Variants in FGF12 observed in about 807,000 individuals in gnomAD.
FGF12 encodes the protein fibroblast growth factor 12B.
A neutral mutation model predicts 23.6 loss-of-function variants in FGF12; 14 were observed. The ratio of observed to expected loss-of-function variants is 0.59; its 90% CI spans 0.39 to 0.93. The LOEUF (loss-of-function observed/expected upper bound fraction) is 0.93. Ranked by LOEUF, FGF12 falls within the 40% of genes least tolerant of loss-of-function variation. The pLI, the probability that FGF12 is intolerant of heterozygous loss-of-function variation, is 0.00. For missense variants in FGF12, 175 were observed against 217.8 expected (o/e 0.80, Z 1.24); for synonymous variants, 62 against 77.3 (o/e 0.80, Z 1.04).
At chr3:192,576,358 G>A (rs572023080) in intron 2 of FGF12, among the ~76,000 whole-genome samples, 1 of 152,306 alleles carries the variant, frequency 6.6e-6, no homozygotes, top group African/African-American at 2.4e-5. Context: ...AGGTAAGTCA[G>A]ATAAAGTAAC....
At chr3:192,510,763 T>A (rs1724445646) in intron 2 of FGF12, among the ~76,000 whole-genome samples, 1 of 152,170 alleles carries the variant, frequency 6.6e-6, no homozygotes, top group African/African-American at 2.4e-5. Context: ...TTGTGGTACA[T>A]CCACGCAATG....
chr3:192,675,800 T>G (rs1176879022), intron 2 of FGF12, among the ~76,000 whole-genome samples: 1 of 152,222 alleles, frequency 6.6e-6, no homozygotes, highest in Non-Finnish European at 1.5e-5. Context: ...TTCCCTGATG[T>G]GCTTCACGAG....
intron 2 of FGF12, among the ~76,000 whole-genome samples, chr3:192,656,460 A>G (rs926150329): frequency 3.3e-5 from 5 of 152,184 alleles, no homozygotes; most frequent in Non-Finnish European, 5.9e-5. Context: ...TTGTTTCTCT[A>G]GTGCAGTGGT....
chr3:192,639,686 A>G (rs1034057265), intron 2 of FGF12, among the ~76,000 whole-genome samples: 10 of 152,234 alleles, frequency 6.6e-5, no homozygotes, highest in South Asian at 2.1e-4. Flanking sequence ...CTGAACATGT[A>G]CAGGCTTTTT....
chr3:192,588,349 CAAAAAAAA>C (rs1201739223), intron 2 of FGF12, among the ~76,000 whole-genome samples: 1 of 66,984 alleles, frequency 1.5e-5, no homozygotes, highest in African/African-American at 5.7e-5. Flanking sequence ...CAATCCGTCT[CAAAAAAAA>C]AAAAAAAAAA....
intron 3 of FGF12, among the ~76,000 whole-genome samples, chr3:192,338,030 A>G (rs1449858707): frequency 6.6e-6 from 1 of 152,198 alleles, no homozygotes; most frequent in African/African-American, 2.4e-5. Context: ...TAGAAGTACA[A>G]AAAGATTTAG....
chr3:192,596,047 T>C (rs1713827822), intron 2 of FGF12, among the ~76,000 whole-genome samples: 1 of 143,574 alleles, frequency 7.0e-6, no homozygotes, highest in South Asian at 2.1e-4. Flanking sequence ...TAGCCGATAT[T>C]GTACCACTGT....
At chr3:192,210,024 G>A (rs1186817572) in intron 4 of FGF12, among the ~76,000 whole-genome samples, 2 of 152,202 alleles carry the variant, frequency 1.3e-5, no homozygotes, top group African/African-American at 4.8e-5. Context: ...TGCAGTAACA[G>A]TGACTAGATT....
chr3:192,570,232 G>C (rs111911072), intron 2 of FGF12, among the ~76,000 whole-genome samples: 14 of 152,276 alleles, frequency 9.2e-5, no homozygotes, highest in South Asian at 2.1e-4. Flanking sequence ...TTTTCCATGG[G>C]GGGGAGGGCC....
intron 2 of FGF12, among the ~76,000 whole-genome samples, chr3:192,636,446 A>G (rs1227862348): frequency 2.0e-5 from 3 of 152,216 alleles, no homozygotes; most frequent in African/African-American, 7.2e-5. Flanking sequence ...AACAACCACT[A>G]TAAACTACCA....
At chr3:192,640,436 T>G (rs996669406) in intron 2 of FGF12, among the ~76,000 whole-genome samples, 1 of 152,168 alleles carries the variant, frequency 6.6e-6, no homozygotes, top group African/African-American at 2.4e-5. Flanking sequence ...ACAGGCTAAT[T>G]TTATATATCA....
chr3:192,463,902 A>G (rs369194227), intron 2 of FGF12, among the ~76,000 whole-genome samples: 7 of 152,070 alleles, frequency 4.6e-5, no homozygotes, highest in African/African-American at 1.7e-4. Context: ...CGTCCATACT[A>G]TGACTCCTGC....
At chr3:192,371,546 T>C (rs562033458) in intron 2 of FGF12, among the ~76,000 whole-genome samples, 23 of 152,392 alleles carry the variant, frequency 1.5e-4, no homozygotes, top group African/African-American at 5.5e-4. Flanking sequence ...CACGCTTATA[T>C]GGTAGATTTA....
chr3:192,545,216 C>T (rs570177686), intron 2 of FGF12, among the ~76,000 whole-genome samples: 17 of 152,314 alleles, frequency 1.1e-4, no homozygotes, highest in African/African-American at 3.8e-4. Flanking sequence ...CAACCGAACA[C>T]TTGCACTCTG....
intron 2 of FGF12, among the ~76,000 whole-genome samples, chr3:192,578,402 C>T (rs1043788785): frequency 6.6e-6 from 1 of 152,180 alleles, no homozygotes; most frequent in African/African-American, 2.4e-5. Context: ...GATTTAAACC[C>T]AAGTCTTGTG....
At chr3:192,480,675 A>G (rs939502276) in intron 2 of FGF12, among the ~76,000 whole-genome samples, 2 of 152,194 alleles carry the variant, frequency 1.3e-5, no homozygotes, top group Non-Finnish European at 2.9e-5. Context: ...AACTCTCCCT[A>G]CACTGAAGCA....
chr3:192,517,887 G>A (rs1272878291), intron 2 of FGF12, among the ~76,000 whole-genome samples: 3 of 152,084 alleles, frequency 2.0e-5, no homozygotes, highest in African/African-American at 4.8e-5. Flanking sequence ...TAGGCACACA[G>A]AGTACAGTCT....
chr3:192,431,501 C>A (rs974091397), intron 2 of FGF12, among the ~76,000 whole-genome samples: 1 of 152,020 alleles, frequency 6.6e-6, no homozygotes, highest in Non-Finnish European at 1.5e-5. Flanking sequence ...TAAAGAAAAC[C>A]AAGAGACTCT....
intron 4 of FGF12, among the ~76,000 whole-genome samples, chr3:192,281,184 G>A (rs970746404): frequency 3.3e-5 from 5 of 152,128 alleles, no homozygotes; most frequent in African/African-American, 9.7e-5. Context: ...AAACCAAAAC[G>A]TCAGCAAGGC....
Sources: gnomAD v4.1 joint callset for allele counts (sites outside exome capture counted in the v4.1 genomes callset) on GRCh38, gnomAD v4.1.1 for gene constraint, MANE v1.5 for transcripts, NCBI Gene and HGNC (gene_info 2026-07-23, HGNC 2026-07-21) for gene names.